Variants in KHDRBS2 observed in about 807,000 individuals in gnomAD.
The protein encoded by KHDRBS2 is KH domain-containing, RNA-binding, signal transduction-associated protein 2.
KHDRBS2 carries 26 observed loss-of-function variants against 44.3 expected under a neutral mutation model. That is an observed-to-expected ratio of 0.59 (90% CI 0.43 to 0.81). KHDRBS2 has a LOEUF of 0.81. KHDRBS2 is among the 40% of genes least tolerant of loss of function. KHDRBS2 has a pLI of 0.00. For missense variants in KHDRBS2, 476 were observed against 433.1 expected (o/e 1.10, Z -0.88); for synonymous variants, 194 against 151.1 (o/e 1.28, Z -2.08).
At chr6:62,103,753 C>A (rs1802473052) in intron 2 of KHDRBS2, among the ~76,000 whole-genome samples, 1 of 152,174 alleles carries the variant, frequency 6.6e-6, no homozygotes, top group African/African-American at 2.4e-5. Flanking sequence ...AGTGGCCCCT[C>A]CAGGCAGGCT....
At chr6:62,057,190 T>C (rs1294823082) in intron 2 of KHDRBS2, among the ~76,000 whole-genome samples, 1 of 151,956 alleles carries the variant, frequency 6.6e-6, no homozygotes, top group Non-Finnish European at 1.5e-5. Context: ...CAATCTACCA[T>C]TTGCTCTTGC....
the KHDRBS2 span, among the ~76,000 whole-genome samples, chr6:61,566,007 G>C: frequency 6.6e-6 from 1 of 151,462 alleles, no homozygotes; most frequent in African/African-American, 2.4e-5. Flanking sequence ...TGGTGTGTGT[G>C]TGTGTGTGTG....
At chr6:62,258,910 C>G (rs768007136) in intron 1 of KHDRBS2, among the ~76,000 whole-genome samples, 100 of 152,036 alleles carry the variant, frequency 6.6e-4, no homozygotes, top group Non-Finnish European at 9.9e-4. Flanking sequence ...TGGAGCATAC[C>G]CAGTGATGGT....
chr6:61,699,763 C>T (rs1050922306), intron 7 of KHDRBS2, among the ~76,000 whole-genome samples: 1 of 151,974 alleles, frequency 6.6e-6, no homozygotes, highest in Non-Finnish European at 1.5e-5. Flanking sequence ...CCTTATCTTC[C>T]TTGGAGGCAA....
At chr6:61,784,578 A>G (rs1783497087) in intron 6 of KHDRBS2, among the ~76,000 whole-genome samples, 1 of 152,112 alleles carries the variant, frequency 6.6e-6, no homozygotes. Flanking sequence ...ACTGGTGTGA[A>G]TATTTGATAC....
At chr6:61,559,695 A>G in the KHDRBS2 span, among the ~76,000 whole-genome samples, 1 of 152,164 alleles carries the variant, frequency 6.6e-6, no homozygotes, top group African/African-American at 2.4e-5. Context: ...CAAATAGACA[A>G]CTTATAAAAA....
At chr6:61,760,077 C>A (rs77722714) in intron 6 of KHDRBS2, among the ~76,000 whole-genome samples, 1,582 of 152,020 alleles carry the variant, frequency 0.01, 9 homozygotes, top group Middle Eastern at 0.02. Flanking sequence ...TAATGTTGAA[C>A]CTCATCTAAA....
At chr6:62,117,723 T>A (rs1584803517) in intron 2 of KHDRBS2, among the ~76,000 whole-genome samples, 2 of 152,288 alleles carry the variant, frequency 1.3e-5, no homozygotes, top group South Asian at 4.1e-4. Context: ...TTTCTTCTAG[T>A]ATTTTCATAG....
chr6:61,963,145 C>A (rs1769135432), intron 4 of KHDRBS2, among the ~76,000 whole-genome samples: 1 of 151,998 alleles, frequency 6.6e-6, no homozygotes, highest in African/African-American at 2.4e-5. Context: ...ATATGCAAAG[C>A]AAATAATATT....
At chr6:62,196,369 GA>G (rs892780551) in intron 1 of KHDRBS2, among the ~76,000 whole-genome samples, 7 of 152,028 alleles carry the variant, frequency 4.6e-5, no homozygotes, top group Non-Finnish European at 1.0e-4. Flanking sequence ...ATTAGGCAAA[GA>G]GCCTTATAGA....
chr6:61,543,225 C>T, the KHDRBS2 span, among the ~76,000 whole-genome samples: 1 of 151,660 alleles, frequency 6.6e-6, no homozygotes, highest in Non-Finnish European at 1.5e-5. Context: ...TGACAAGGGA[C>T]TAATAAAGTA....
intron 2 of KHDRBS2, among the ~76,000 whole-genome samples, chr6:62,160,380 G>A (rs1817368434): frequency 6.6e-6 from 1 of 152,054 alleles, no homozygotes; most frequent in African/African-American, 2.4e-5. Context: ...CCAAAGAGTG[G>A]CTTTACATGA....
At chr6:61,959,603 G>C (rs1462941349) in intron 4 of KHDRBS2, among the ~76,000 whole-genome samples, 1 of 152,074 alleles carries the variant, frequency 6.6e-6, no homozygotes, top group African/African-American at 2.4e-5. Flanking sequence ...CTTGTTTCTT[G>C]ATACTTCTAC....
At chr6:61,659,704 G>T in the KHDRBS2 span, among the ~76,000 whole-genome samples, 1 of 151,618 alleles carries the variant, frequency 6.6e-6, no homozygotes, top group Non-Finnish European at 1.5e-5. Context: ...AATAGCAAAT[G>T]AGAAGTATTG....
chr6:61,544,930 T>C, the KHDRBS2 span, among the ~76,000 whole-genome samples: 1 of 151,816 alleles, frequency 6.6e-6, no homozygotes. Flanking sequence ...GGGCCTGTTG[T>C]GAGGTGGAGG....
intron 1 of KHDRBS2, among the ~76,000 whole-genome samples, chr6:62,261,200 C>T (rs2150181708): frequency 6.6e-6 from 1 of 151,918 alleles, no homozygotes; most frequent in East Asian, 1.9e-4. Flanking sequence ...TCCTTATTAC[C>T]AAAAAGATAA....
intron 4 of KHDRBS2, among the ~76,000 whole-genome samples, chr6:61,921,723 G>A (rs936388067): frequency 4.6e-5 from 7 of 151,926 alleles, no homozygotes; most frequent in African/African-American, 1.2e-4. Flanking sequence ...TAATACATTC[G>A]ATTATTTATT....
intron 5 of KHDRBS2, 150 bp from the exon 6 acceptor site, chr6:61,894,983 A>T (rs1450448954): frequency 1.7e-6 from 1 of 589,536 alleles, no homozygotes; most frequent in African/African-American, 1.9e-5. Context: ...GTATGCATTT[A>T]ATAGAAATTA....
At chr6:62,100,555 A>T (rs1278134279) in intron 2 of KHDRBS2, among the ~76,000 whole-genome samples, 1 of 152,192 alleles carries the variant, frequency 6.6e-6, no homozygotes, top group African/African-American at 2.4e-5. Context: ...CTTTTACAAA[A>T]TTACCACAAC....
Sources: allele counts gnomAD v4.1 joint callset (sites outside exome capture counted in the v4.1 genomes callset), GRCh38; gene constraint gnomAD v4.1.1; transcripts MANE v1.5; gene names NCBI Gene and HGNC (gene_info 2026-07-23, HGNC 2026-07-21).